PIK3AP1: variants seen among roughly 807,000 people sequenced by gnomAD.
The protein encoded by PIK3AP1 is phosphoinositide-3-kinase adaptor protein 1, also known as phosphoinositide 3-kinase adapter protein 1.
A neutral mutation model predicts 88.1 loss-of-function variants in PIK3AP1; 21 were observed. The ratio of observed to expected loss-of-function variants is 0.24; its 90% CI spans 0.17 to 0.34. The LOEUF is 0.34. Ranked by LOEUF, PIK3AP1 falls within the 10% of genes least tolerant of loss-of-function variation. The pLI is 1.00. For synonymous variants in PIK3AP1, 398 were observed against 400.0 expected (o/e 1.00, Z 0.06); for missense variants, 828 against 1,035.7 (o/e 0.80, Z 2.75).
intron 10 of PIK3AP1, among the ~76,000 whole-genome samples, chr10:96,624,321 T>G (rs1249689635): frequency 1.3e-5 from 2 of 152,208 alleles, no homozygotes; most frequent in Non-Finnish European, 2.9e-5. Flanking sequence ...TTGAGACTGT[T>G]GCCAATAGTC....
In PIK3AP1 at chr10:96,663,038, G is replaced by C. The variant is rs1458654813; in HGVS notation, c.431-6104C>G. 2.0e-5 allele frequency among the ~76,000 whole-genome samples: 3 copies of C among 151,886 alleles called. No individual in the cohort carries two copies. In the East Asian group the frequency reaches 5.8e-4, roughly 29 times the overall value. On this transcript the variant is annotated intron_variant, in intron 2 of 16. Coordinates refer to ENST00000339364, the MANE Select transcript of PIK3AP1 (RefSeq NM_152309.3). ...ACATTATGCTAAGTGAAAGAAGATA[G>C]TCATAAAAGACCACAAATTATATGA...
intron 2 of PIK3AP1, among the ~76,000 whole-genome samples, chr10:96,657,657 T>TTGTGTG (rs10644854): frequency 5.7e-4 from 85 of 149,630 alleles, no homozygotes; most frequent in African/African-American, 1.5e-3. Flanking sequence ...GTGTGCAAGA[T>TTGTGTG]TGTGTGTGTG....
At chr10:96,689,224 C>T (rs1348484332) in intron 2 of PIK3AP1, among the ~76,000 whole-genome samples, 4 of 152,092 alleles carry the variant, frequency 2.6e-5, no homozygotes, top group East Asian at 1.9e-4. Context: ...GGAGTTCCCT[C>T]GTCCTGGGAT....
chr10:96,638,846 A>G lies in PIK3AP1; in HGVS notation c.1375+6627T>C, dbSNP rs191276718. ...TTTTTGTTTAATATTCAGCTCTCTC[A>G]CTAGAATGTAAGCTTTGAAAGGCAA... On this transcript the variant is annotated intron_variant, in intron 8 of 16. Coordinates refer to ENST00000339364, the MANE Select transcript of PIK3AP1 (RefSeq NM_152309.3). 1.6e-3 allele frequency among the ~76,000 whole-genome samples: 249 copies of G among 152,312 alleles called. 1 individual carries two copies. The highest frequency in any genetic ancestry group is 2.9e-3 in the Non-Finnish European group (194 of 68,036).
At chr10:96,603,861 T>A (rs781514930) in intron 15 of PIK3AP1, 118 bp downstream of exon 15, 110 of 964,464 alleles carry the variant, frequency 1.1e-4, no homozygotes, top group Non-Finnish European at 1.5e-4. Context: ...GCATTTCATA[T>A]AAATGGAATC....
intron 2 of PIK3AP1, among the ~76,000 whole-genome samples, chr10:96,707,125 G>A (rs191755679): frequency 5.9e-5 from 9 of 152,242 alleles, no homozygotes; most frequent in Admixed American, 2.0e-4. Flanking sequence ...CATTCTTTCC[G>A]AGACACTTGA....
rs145459703 is a variant in PIK3AP1, at chr10:96,602,303, C to T, written c.2337G>A (p.Val779=). ...PTMSLERPPR[V]PPRAASQRPP... ...ACCTCTGTGAGGCAGCTCTCGGAGG[C>T]ACCCTGGGGGGTCTCTCGAGGGACA... The change falls in exon 16 of 17, where the codon GTG becomes GTA. Residue 779 remains valine (V), a synonymous_variant. Transcript: ENST00000339364. 2.6e-4 allele frequency: 411 copies of T among 1,605,228 alleles called. No homozygotes were observed. In the African/African-American group the frequency reaches 5.0e-3, roughly 19 times the overall value.
intron 1 of PIK3AP1, among the ~76,000 whole-genome samples, chr10:96,718,559 CAAACACCTGCA>C (rs1844532536): frequency 6.6e-6 from 1 of 152,178 alleles, no homozygotes. Context: ...CTAACCATTA[CAAACACCTGCA>C]GAAGCTGCTA....
At chr10:96,650,985 C>T (rs879352144) in intron 6 of PIK3AP1, among the ~76,000 whole-genome samples, 11 of 152,234 alleles carry the variant, frequency 7.2e-5, no homozygotes, top group African/African-American at 2.4e-4. Context: ...CATTGGCTTA[C>T]GCCAAACCAA....
At chr10:96,656,065 C>T (rs750385650) in intron 3 of PIK3AP1, among the ~76,000 whole-genome samples, 9 of 152,226 alleles carry the variant, frequency 5.9e-5, no homozygotes, top group East Asian at 3.9e-4. Context: ...AAGGCTCCCA[C>T]GCTGTCTCGC....
At chr10:96,718,232 T>C (rs1448676529) in intron 1 of PIK3AP1, among the ~76,000 whole-genome samples, 1 of 152,244 alleles carries the variant, frequency 6.6e-6, no homozygotes, top group Non-Finnish European at 1.5e-5. Flanking sequence ...TGGTGATGGC[T>C]ACACATATCT....
intron 8 of PIK3AP1, among the ~76,000 whole-genome samples, chr10:96,640,919 T>C (rs1016356041): frequency 6.6e-6 from 1 of 152,134 alleles, no homozygotes; most frequent in African/African-American, 2.4e-5. Flanking sequence ...CGCCTCAGCC[T>C]CCCTAAATGC....
intron 3 of PIK3AP1, among the ~76,000 whole-genome samples, chr10:96,653,552 C>T (rs1198768058): frequency 2.3e-5 from 3 of 129,820 alleles, no homozygotes; most frequent in Non-Finnish European, 4.7e-5. Flanking sequence ...AGTGGTATGA[C>T]CTCAGCTCAC....
intron 2 of PIK3AP1, among the ~76,000 whole-genome samples, chr10:96,685,320 A>G (rs1844053726): frequency 6.6e-6 from 1 of 152,118 alleles, no homozygotes; most frequent in African/African-American, 2.4e-5. Flanking sequence ...GCACCTCCAA[A>G]TCTCCCCCAT....
At chr10:96,655,895 A>G (rs540028459) in intron 3 of PIK3AP1, among the ~76,000 whole-genome samples, 1 of 152,324 alleles carries the variant, frequency 6.6e-6, no homozygotes, top group South Asian at 2.1e-4. Context: ...GTATGTCTTT[A>G]TCAGTAGCGT....
intron 14 of PIK3AP1, among the ~76,000 whole-genome samples, chr10:96,608,893 G>A (rs1425807693): frequency 1.3e-5 from 2 of 152,226 alleles, no homozygotes; most frequent in Admixed American, 6.5e-5. Context: ...TTTCCTAGCT[G>A]TTTTATTAGC....
At chr10:96,616,115 G>A (rs557620993) in intron 13 of PIK3AP1, among the ~76,000 whole-genome samples, 14 of 152,250 alleles carry the variant, frequency 9.2e-5, no homozygotes, top group South Asian at 2.1e-4. Context: ...TAAGGGGAGC[G>A]GGGGCCCAGT....
chr10:96,685,487 C>A (rs1277015172), intron 2 of PIK3AP1, among the ~76,000 whole-genome samples: 2 of 152,154 alleles, frequency 1.3e-5, no homozygotes, highest in Non-Finnish European at 2.9e-5. Flanking sequence ...CAGACACAAG[C>A]CGTGGGTGAG....
At chr10:96,597,262 C>T (rs996158783) in intron 16 of PIK3AP1, among the ~76,000 whole-genome samples, 13 of 139,070 alleles carry the variant, frequency 9.3e-5, no homozygotes, top group Admixed American at 1.5e-4. Context: ...TTTTTTCTTT[C>T]TTTCTTTCTT....
Sources: gnomAD v4.1 joint callset for allele counts (sites outside exome capture counted in the v4.1 genomes callset) on GRCh38, gnomAD v4.1.1 for gene constraint, MANE v1.5 for transcripts, NCBI Gene and HGNC (gene_info 2026-07-23, HGNC 2026-07-21) for gene names.